Variants in MYO1E observed in about 807,000 individuals in gnomAD.
MYO1E encodes the protein myosin IE.
A neutral mutation model predicts 151.1 loss-of-function variants in MYO1E; 68 were observed. The observed-to-expected ratio is 0.45, with a 90% CI of 0.37 to 0.55. The LOEUF is 0.55. Among genes scored for constraint, MYO1E ranks in the 20% least tolerant of loss-of-function variants. The pLI is 0.00. For synonymous variants in MYO1E, 601 were observed against 501.7 expected (o/e 1.20, Z -2.64); for missense variants, 1,363 against 1,389.3 (o/e 0.98, Z 0.30).
chr15:59,350,723 G>A lies in MYO1E; in HGVS notation c.3+21775C>T, dbSNP rs907576351. On this transcript the variant is annotated intron_variant, in intron 1 of 27. Coordinates refer to ENST00000288235, the MANE Select transcript of MYO1E (RefSeq NM_004998.4). This position sits in a 1 kb window ranked among gnomAD's most constrained non-coding sequence, Gnocchi z 5.0. ...CTTACAGTCTACTTGGGCTGTAAGA[G>A]ACTGTGTGAAAACAGATAACAATGC... Among the ~76,000 whole-genome samples the A allele has an allele frequency of 1.3e-5, 2 of 152,224 alleles. No homozygotes were observed. The highest frequency in any genetic ancestry group is 2.1e-4 in the South Asian group (1 of 4,834).
intron 24 of MYO1E, among the ~76,000 whole-genome samples, chr15:59,160,656 C>T (rs537377759): frequency 5.3e-5 from 8 of 151,870 alleles, no homozygotes; most frequent in Admixed American, 1.3e-4. Context: ...TGGGTTCAAG[C>T]GATCGTCCGG....
chr15:59,223,842 C>T (rs1227820063), intron 8 of MYO1E, among the ~76,000 whole-genome samples: 1 of 152,162 alleles, frequency 6.6e-6, no homozygotes, highest in Admixed American at 6.5e-5. Context: ...CACTCTAGGA[C>T]CAGTGTGCAG....
intron 22 of MYO1E, among the ~76,000 whole-genome samples, chr15:59,169,145 C>A (rs2079577758): frequency 6.6e-6 from 1 of 152,164 alleles, no homozygotes; most frequent in African/African-American, 2.4e-5. Flanking sequence ...ATTGTAAGAG[C>A]TAGAGATGGG....
intron 1 of MYO1E, 142 bp downstream of exon 1, chr15:59,372,356 T>C: frequency 2.9e-6 from 3 of 1,031,496 alleles, no homozygotes; most frequent in Non-Finnish European, 1.4e-6. Flanking sequence ...CGGCAGGAAA[T>C]CAGAGCTCGC....
intron 22 of MYO1E, among the ~76,000 whole-genome samples, chr15:59,168,859 C>T (rs1193443719): frequency 6.6e-6 from 1 of 152,142 alleles, no homozygotes; most frequent in Non-Finnish European, 1.5e-5. Flanking sequence ...TGGGGTCAAG[C>T]GAGCCTCCTG....
intron 24 of MYO1E, 130 bp downstream of exon 24, chr15:59,160,943 G>A: frequency 7.9e-7 from 1 of 1,265,808 alleles, no homozygotes; most frequent in Non-Finnish European, 1.1e-6. Context: ...TCTGAAGAAA[G>A]CGTGAGCCCC....
chr15:59,148,063 C>T (rs1444724057), intron 26 of MYO1E, among the ~76,000 whole-genome samples: 1 of 152,176 alleles, frequency 6.6e-6, no homozygotes, highest in Non-Finnish European at 1.5e-5. Context: ...AAATAACTTT[C>T]AAATAGCATT....
intron 1 of MYO1E, among the ~76,000 whole-genome samples, chr15:59,314,976 G>C (rs1418094624): frequency 2.0e-5 from 3 of 152,178 alleles, no homozygotes; most frequent in Middle Eastern, 3.4e-3. Flanking sequence ...CTGGAAATCT[G>C]GATTTCCATG....
chr15:59,236,726 C>A, intron 4 of MYO1E, 54 bp from the exon 5 acceptor site: 2 of 1,389,994 alleles, frequency 1.4e-6, no homozygotes, highest in Non-Finnish European at 2.0e-6. Flanking sequence ...GACCAGCTCC[C>A]TTCCTTGTCT....
Position 59,284,735 on chromosome 15 carries a change from A to G in MYO1E, c.4-12286T>C, listed in dbSNP as rs144046055. 9.0e-3 allele frequency among the ~76,000 whole-genome samples: 1,366 copies of G among 151,270 alleles called. 14 individuals are homozygous for G. The highest frequency in any genetic ancestry group is 0.032 in the African/African-American group (1,311 of 41,164). On this transcript the variant is annotated intron_variant, in intron 1 of 27. Coordinates refer to ENST00000288235, the MANE Select transcript of MYO1E (RefSeq NM_004998.4). ...AGCAATCCTCCTGCCTCAGCCTCCC[A>G]AAGTGCTGGGATTATAGGTGTAAGC...
chr15:59,321,771 G>A (rs531557683), intron 1 of MYO1E, among the ~76,000 whole-genome samples: 2 of 152,268 alleles, frequency 1.3e-5, no homozygotes, highest in East Asian at 3.9e-4. Flanking sequence ...AGGCTATGTG[G>A]GAGGCTGACC....
intron 2 of MYO1E, among the ~76,000 whole-genome samples, chr15:59,265,884 T>A (rs1353538946): frequency 6.6e-6 from 1 of 151,404 alleles, no homozygotes; most frequent in Non-Finnish European, 1.5e-5. Flanking sequence ...GGAGGATCAC[T>A]TAGGCCTGGG....
chr15:59,196,122 C>T (rs2079764803), intron 16 of MYO1E, among the ~76,000 whole-genome samples: 1 of 152,130 alleles, frequency 6.6e-6, no homozygotes, highest in African/African-American at 2.4e-5. Flanking sequence ...AATTTATAAA[C>T]TTTTGATATT....
rs1359153956 is a variant in MYO1E at position 59,163,294 on chromosome 15, C to T, written c.2490G>A (p.Gln830=). Residue 830 remains glutamine (Q), a synonymous_variant, in exon 23 of 28, where the codon CAG becomes CAA. Transcript: ENST00000288235. ...GCTCATGGAGAATAAAAATGTCATC[C>T]TGCATAGTACTGTAAAGAGATTGGA... The part of the protein sequence containing the change: ...RILSVSLSTM[Q]DDIFILHEQE... 2.5e-6 allele frequency: 4 copies of T among 1,613,282 alleles called. No individual in the cohort carries two copies. In the African/African-American group the frequency reaches 5.3e-5, roughly 22 times the overall value.
chr15:59,198,659 A>G (rs1283809364), intron 16 of MYO1E, among the ~76,000 whole-genome samples: 2 of 151,964 alleles, frequency 1.3e-5, no homozygotes, highest in African/African-American at 4.8e-5. Context: ...CTACTAAAAA[A>G]AATACCAAAA....
intron 2 of MYO1E, among the ~76,000 whole-genome samples, chr15:59,267,780 T>C (rs1430256739): frequency 6.6e-6 from 1 of 152,256 alleles, no homozygotes; most frequent in Non-Finnish European, 1.5e-5. Flanking sequence ...AACACTGTAA[T>C]GTTTTCCTCA....
At chr15:59,361,286 A>G (rs545388502) in intron 1 of MYO1E, among the ~76,000 whole-genome samples, 1 of 152,354 alleles carries the variant, frequency 6.6e-6, no homozygotes, top group African/African-American at 2.4e-5. Flanking sequence ...AAGTATAAAC[A>G]TTTATTATTT....
chr15:59,300,212 C>T lies in MYO1E; in HGVS notation c.4-27763G>A, dbSNP rs145866009. ...GGGCAGTTCTTCCCAACCAGCATGC[C>T]TGGCAATGAATGCCAGTCCCTAGGA... On this transcript the variant is annotated intron_variant, in intron 1 of 27. Coordinates refer to ENST00000288235, the MANE Select transcript of MYO1E (RefSeq NM_004998.4). 3.3e-5 allele frequency among the ~76,000 whole-genome samples: 5 copies of T among 152,268 alleles called. No homozygotes were observed. The East Asian group carries it at 9.6e-4, about 29-fold the overall frequency.
intron 1 of MYO1E, among the ~76,000 whole-genome samples, chr15:59,355,047 G>A (rs774423078): frequency 3.9e-5 from 6 of 152,044 alleles, no homozygotes; most frequent in African/African-American, 1.4e-4. Flanking sequence ...ATTCACTGGC[G>A]GCTGCCTTGC....
Sources: allele counts gnomAD v4.1 joint callset (sites outside exome capture counted in the v4.1 genomes callset), GRCh38; gene constraint gnomAD v4.1.1; non-coding constraint Gnocchi (gnomAD v3.1); transcripts MANE v1.5; gene names NCBI Gene and HGNC (gene_info 2026-07-23, HGNC 2026-07-21).